The following SPOCK1 variants were observed in gnomAD, a reference collection of about 807,000 sequenced individuals.
SPOCK1 encodes testican-1.
Under a neutral mutation model 55.3 loss-of-function variants are expected in SPOCK1, and 23 were observed. That is an observed-to-expected ratio of 0.42 (90% CI 0.30 to 0.59). SPOCK1 has a LOEUF of 0.59. Ranked by LOEUF, SPOCK1 falls within the 20% of genes least tolerant of loss-of-function variation. The probability of loss-of-function intolerance (pLI) is 0.22; values close to 1 mark genes in which losing one functional copy is unlikely to be tolerated. For missense variants in SPOCK1, 499 were observed against 552.5 expected (o/e 0.90, Z 0.97); for synonymous variants, 226 against 221.0 (o/e 1.02, Z -0.20).
rs538481645 is a variant in SPOCK1, at chr5:137,439,524, A to G, written c.186+58849T>C. Among the ~76,000 whole-genome samples the G allele has an allele frequency of 9.8e-5, 15 of 152,374 alleles. No individual in the cohort carries two copies. In the South Asian group the frequency reaches 3.1e-3, roughly 32 times the overall value. On this transcript the variant is annotated intron_variant, in intron 2 of 10. Coordinates refer to ENST00000394945, the MANE Select transcript of SPOCK1 (RefSeq NM_004598.4). ...TTGATTGCAATTGTGATCAACAAGC[A>G]GTCAGGCCCCTAGACTTCCTCTGCC...
chr5:137,218,926 A>T (rs73304886), intron 3 of SPOCK1, among the ~76,000 whole-genome samples: 7,754 of 152,260 alleles, frequency 0.051, 358 homozygotes, highest in East Asian at 0.13. Flanking sequence ...AGCAGTGCCC[A>T]GGCTGGCTCC....
chr5:137,421,424 G>A lies in SPOCK1; in HGVS notation c.186+76949C>T, dbSNP rs141276936. ...TTAAAGTCTCCCATTATTATTGTGC[G>A]GGAGACTAAGTCTCTTTCTAGGTCT... On this transcript the variant is annotated intron_variant, in intron 2 of 10. Coordinates refer to ENST00000394945, the MANE Select transcript of SPOCK1 (RefSeq NM_004598.4). Among the ~76,000 whole-genome samples, 697 of 152,168 alleles carry A rather than the reference G, an allele frequency of 4.6e-3. 4 individuals carry two copies. The highest frequency in any genetic ancestry group is 0.016 in the African/African-American group (659 of 41,514).
intron 2 of SPOCK1, among the ~76,000 whole-genome samples, chr5:137,458,829 T>C (rs575024308): frequency 2.3e-4 from 35 of 152,320 alleles, no homozygotes; most frequent in African/African-American, 8.2e-4. Context: ...AATAAAATAC[T>C]ATAGAAATAC....
intron 3 of SPOCK1, among the ~76,000 whole-genome samples, chr5:137,222,252 C>T (rs534296021): frequency 2.6e-5 from 4 of 152,232 alleles, no homozygotes; most frequent in African/African-American, 7.2e-5. Flanking sequence ...TGATTCCCGC[C>T]CCCACTTCAG....
intron 2 of SPOCK1, among the ~76,000 whole-genome samples, chr5:137,342,986 ATGATC>A (rs770615713): frequency 8.5e-5 from 13 of 152,278 alleles, no homozygotes; most frequent in Non-Finnish European, 1.6e-4. Flanking sequence ...TGCTAGATAA[ATGATC>A]TGATGCCAGA....
At chr5:137,311,664 T>C (rs1188250826) in intron 2 of SPOCK1, among the ~76,000 whole-genome samples, 1 of 152,206 alleles carries the variant, frequency 6.6e-6, no homozygotes, top group African/African-American at 2.4e-5. Flanking sequence ...TTTTGATAAA[T>C]ATCATGTATA....
chr5:137,192,819 T>C (rs1755210513), intron 3 of SPOCK1, among the ~76,000 whole-genome samples: 1 of 152,158 alleles, frequency 6.6e-6, no homozygotes, highest in African/African-American at 2.4e-5. Flanking sequence ...GTGATACCAT[T>C]TGTACGGGGT....
At chr5:137,049,367 C>T (rs1209156406) in intron 6 of SPOCK1, among the ~76,000 whole-genome samples, 1 of 135,816 alleles carries the variant, frequency 7.4e-6, no homozygotes, top group South Asian at 2.7e-4. Flanking sequence ...TCTAAACTTC[C>T]CTTCTCGCTT....
chr5:137,208,437 C>T (rs1312574027), intron 3 of SPOCK1, among the ~76,000 whole-genome samples: 4 of 152,146 alleles, frequency 2.6e-5, no homozygotes, highest in East Asian at 1.9e-4. Context: ...AAAGAGACCA[C>T]GCCATCCAAA....
intron 5 of SPOCK1, among the ~76,000 whole-genome samples, chr5:137,080,509 A>G (rs1205942181): frequency 6.6e-6 from 1 of 152,164 alleles, no homozygotes. Context: ...AAGGTAGTGC[A>G]CACTCAGAGT....
At chr5:137,410,229 T>C (rs946073068) in intron 2 of SPOCK1, among the ~76,000 whole-genome samples, 1 of 152,254 alleles carries the variant, frequency 6.6e-6, no homozygotes, top group African/African-American at 2.4e-5. Flanking sequence ...TGCTGGTTTA[T>C]TACAACATCT....
intron 6 of SPOCK1, among the ~76,000 whole-genome samples, chr5:136,998,089 A>G (rs1399048980): frequency 6.6e-6 from 1 of 152,164 alleles, no homozygotes; most frequent in East Asian, 1.9e-4. Flanking sequence ...GCTCACAGCT[A>G]CTGGCATATA....
intron 5 of SPOCK1, among the ~76,000 whole-genome samples, chr5:137,096,952 A>C (rs1183682556): frequency 2.6e-5 from 4 of 152,238 alleles, no homozygotes; most frequent in Admixed American, 2.6e-4. Flanking sequence ...GCACAGGAGC[A>C]TTAATAATAA....
intron 2 of SPOCK1, among the ~76,000 whole-genome samples, chr5:137,299,250 C>T (rs1406660877): frequency 2.0e-5 from 3 of 151,966 alleles, no homozygotes; most frequent in African/African-American, 7.2e-5. Context: ...TCTATTTATC[C>T]CCTCCCCACA....
At chr5:137,250,235 G>A (rs1580829205) in intron 3 of SPOCK1, among the ~76,000 whole-genome samples, 1 of 152,156 alleles carries the variant, frequency 6.6e-6, no homozygotes, top group Admixed American at 6.6e-5. Context: ...AAATTGGGTT[G>A]TTGCAGCACA....
At chr5:136,986,151 G>A (rs1190468108) in intron 8 of SPOCK1, among the ~76,000 whole-genome samples, 1 of 152,134 alleles carries the variant, frequency 6.6e-6, no homozygotes, top group African/African-American at 2.4e-5. Flanking sequence ...GTTTTAAGAT[G>A]CTTTCAGAGT....
At chr5:137,107,186 T>A (rs997483026) in intron 5 of SPOCK1, among the ~76,000 whole-genome samples, 1 of 152,232 alleles carries the variant, frequency 6.6e-6, no homozygotes, top group Admixed American at 6.5e-5. Context: ...TCCTTGTAAG[T>A]TCCATGAAAA....
At chr5:137,191,914 A>G (rs1324644391) in intron 3 of SPOCK1, among the ~76,000 whole-genome samples, 1 of 152,164 alleles carries the variant, frequency 6.6e-6, no homozygotes, top group Non-Finnish European at 1.5e-5. Context: ...CAAATAATGA[A>G]AAAGTAAGCA....
chr5:137,292,690 A>G (rs7725348), intron 2 of SPOCK1, among the ~76,000 whole-genome samples: 28,860 of 152,114 alleles, frequency 0.19, 2,943 homozygotes, highest in East Asian at 0.37. Flanking sequence ...TTCATTCCAT[A>G]CAGGATTCAG....
Sources: gnomAD v4.1 joint callset for allele counts (sites outside exome capture counted in the v4.1 genomes callset) on GRCh38, gnomAD v4.1.1 for gene constraint, MANE v1.5 for transcripts, NCBI Gene and HGNC (gene_info 2026-07-23, HGNC 2026-07-21) for gene names.